GSTO2: variants seen among roughly 807,000 people sequenced by gnomAD.
GSTO2 encodes the protein glutathione S-transferase omega 2.
Under a neutral mutation model 28.4 loss-of-function variants are expected in GSTO2, and 23 were observed. The observed-to-expected ratio is 0.81, with a 90% CI of 0.58 to 1.15. GSTO2 has a LOEUF of 1.15. GSTO2 is among the 50% of genes most tolerant of loss of function. The pLI, the probability that GSTO2 is intolerant of heterozygous loss-of-function variation, is 0.00. For missense variants in GSTO2, 298 were observed against 297.8 expected, an observed-to-expected ratio of 1.00 and a Z score of 0.00; for synonymous variants, 109 against 111.0, an observed-to-expected ratio of 0.98 and a Z score of 0.11.
intron 6 of GSTO2, among the ~76,000 whole-genome samples, chr10:104,298,575 A>G (rs1331026846): frequency 1.3e-5 from 2 of 152,178 alleles, no homozygotes; most frequent in Non-Finnish European, 2.9e-5. Flanking sequence ...ACCCATTCAT[A>G]TTATCTTCAG....
intron 1 of GSTO2, among the ~76,000 whole-genome samples, chr10:104,270,115 G>A (rs375183366): frequency 1.3e-5 from 2 of 151,710 alleles, no homozygotes; most frequent in African/African-American, 2.4e-5. Flanking sequence ...CCGGGTTCAC[G>A]CCATTCTCCT....
chr10:104,298,986 A>G (rs1353440622), intron 6 of GSTO2, 142 bp from the exon 7 acceptor site: 7 of 706,158 alleles, frequency 9.9e-6, no homozygotes, highest in Non-Finnish European at 1.3e-5. Context: ...GTAAGTTATC[A>G]TTCTCACTTG....
chr10:104,277,238 T>C (rs1379481912), intron 3 of GSTO2, among the ~76,000 whole-genome samples: 1 of 152,146 alleles, frequency 6.6e-6, no homozygotes, highest in Non-Finnish European at 1.5e-5. Context: ...TCTAATGCCA[T>C]GGTTAAGTGT....
At position 104,299,383 on chromosome 10, in the gene GSTO2, T is replaced by A; in HGVS notation, c.*99T>A. On this transcript the variant is annotated 3_prime_UTR_variant, in exon 7 of 7. Coordinates refer to ENST00000338595, the MANE Select transcript of GSTO2 (RefSeq NM_183239.2). ...AACCAATCCGTCTCTCTTTCTTTTC[T>A]TTGAAGTTCCCAATAAAATGAAAAC... 7.5e-7 allele frequency: 1 copy of A among 1,333,784 alleles called. No individual in the cohort carries two copies. The highest frequency in any genetic ancestry group is 1.1e-6 in the Non-Finnish European group (1 of 949,612). 82.6% of individuals were successfully genotyped at this position (1,333,784 alleles called of 1,614,324 possible).
At chr10:104,288,972 A>G (rs1229504209) in intron 5 of GSTO2, among the ~76,000 whole-genome samples, 1 of 152,112 alleles carries the variant, frequency 6.6e-6, no homozygotes, top group East Asian at 1.9e-4. Context: ...CACTTCAGAG[A>G]CTTGATAAAT....
At chr10:104,297,463 G>A in intron 5 of GSTO2, 115 bp from the exon 6 acceptor site, 1 of 636,184 alleles carries the variant, frequency 1.6e-6, no homozygotes. Context: ...GAGGGAGAAG[G>A]AGAGAGGCCT....
Position 104,279,421 on chromosome 10 carries a change from T to C in GSTO2, c.418T>C (p.Cys140Arg). ...GGTAGCGTTGAGATGTGGGAGAGAA[T>C]GCACTAATCTGAAGGCAGCCCTGCG... ...CLVALRCGRE[C>R]TNLKAALRQE... Residue 140 changes from cysteine to arginine, a missense_variant, in exon 5 of 7, where the codon TGC (cysteine) becomes CGC (arginine). Physicochemically the swap from Cys to Arg is radical, Grantham distance 180 (BLOSUM62 -3). Coordinates refer to ENST00000338595, the MANE Select transcript of GSTO2 (RefSeq NM_183239.2). 6.2e-7 allele frequency: 1 copy of C among 1,614,098 alleles called. No homozygotes were observed. The highest frequency in any genetic ancestry group is 1.3e-5 in the African/African-American group (1 of 75,024).
At chr10:104,282,667 G>T (rs2012145545) in intron 5 of GSTO2, among the ~76,000 whole-genome samples, 2 of 152,202 alleles carry the variant, frequency 1.3e-5, no homozygotes, top group Non-Finnish European at 2.9e-5. Context: ...ACTAACGAGG[G>T]TTGGAGAGGG....
intron 5 of GSTO2, among the ~76,000 whole-genome samples, chr10:104,283,457 T>G (rs1273532372): frequency 1.3e-5 from 2 of 152,070 alleles, no homozygotes; most frequent in African/African-American, 4.8e-5. Flanking sequence ...GAGACTATGT[T>G]TCTACTAAAA....
At chr10:104,276,842 T>C (rs940002608) in intron 3 of GSTO2, among the ~76,000 whole-genome samples, 2 of 152,202 alleles carry the variant, frequency 1.3e-5, no homozygotes, top group Non-Finnish European at 2.9e-5. Context: ...TTCATGTTTT[T>C]AAACATACGT....
chr10:104,274,655 G>T, intron 1 of GSTO2, 30 bp from the exon 2 acceptor site: 1 of 568,294 alleles, frequency 1.8e-6, no homozygotes, highest in Non-Finnish European at 3.1e-6. Context: ...CTTTTCTGGT[G>T]TTATTTTGTC....
At chr10:104,286,907 G>A (rs1284933129) in intron 5 of GSTO2, among the ~76,000 whole-genome samples, 2 of 151,824 alleles carry the variant, frequency 1.3e-5, no homozygotes, top group African/African-American at 4.8e-5. Flanking sequence ...TAGAAACTAA[G>A]GAAAAAAAAT....
rs1161098197 is a variant in GSTO2, at chr10:104,278,099, T to C, written c.349T>C (p.Leu117=). 2.5e-6 allele frequency: 4 copies of C among 1,613,554 alleles called. No individual in the cohort carries two copies. The highest frequency in any genetic ancestry group is 3.4e-6 in the Non-Finnish European group (4 of 1,179,642). The change falls in exon 4 of 7, where the codon TTG becomes CTG. Residue 117 remains leucine (L), a synonymous_variant. Coordinates refer to ENST00000338595, the MANE Select transcript of GSTO2 (RefSeq NM_183239.2). ...PYERARQKML[L]ELFCKVPHLT... ...TGAACGAGCTCGCCAAAAGATGTTA[T>C]TGGAGCTATTTTGTAAGGTATATTC...
chr10:104,272,360 A>G (rs2011445007), intron 1 of GSTO2, among the ~76,000 whole-genome samples: 1 of 152,188 alleles, frequency 6.6e-6, no homozygotes, highest in Non-Finnish European at 1.5e-5. Flanking sequence ...TGGAGACCAG[A>G]TGGCCTGAAA....
intron 5 of GSTO2, among the ~76,000 whole-genome samples, chr10:104,282,553 C>CAAAAAAAAA (rs10715615): frequency 7.8e-5 from 8 of 102,838 alleles, no homozygotes; most frequent in African/African-American, 2.9e-4. Context: ...AACCCTATCT[C>CAAAAAAAAA]AAAAAAAAAA....
At chr10:104,293,105 C>T (rs545314786) in intron 5 of GSTO2, among the ~76,000 whole-genome samples, 1 of 152,260 alleles carries the variant, frequency 6.6e-6, no homozygotes, top group African/African-American at 2.4e-5. Context: ...TTCATAATGA[C>T]TATGTTGGAA....
chr10:104,292,922 G>A (rs2012846850), intron 5 of GSTO2, among the ~76,000 whole-genome samples: 1 of 152,198 alleles, frequency 6.6e-6, no homozygotes, highest in African/African-American at 2.4e-5. Flanking sequence ...GACATTGGAT[G>A]TTAAGTCTGT....
rs1364732477 is a variant in GSTO2, at chr10:104,299,148, C to T, written c.596C>T (p.Ala199Val). 2 of 1,614,070 alleles carry T rather than the reference C, an allele frequency of 1.2e-6. No individual in the cohort carries two copies. Among genetic ancestry groups the T allele is most frequent in the Admixed American group, 3.3e-5 (2 of 60,010 alleles). ...GILDCVSHTP[A>V]LRLWISAMKW... ...TGCAGCTGTGTGAGCCACACGCCAG[C>T]CCTGCGGCTCTGGATATCAGCCATG... Residue 199 changes from alanine (A) to valine (V), a missense_variant, in exon 7 of 7, where the codon GCC becomes GTC. Physicochemically the swap from Ala to Val is moderately conservative, Grantham distance 64. Coordinates refer to ENST00000338595, the MANE Select transcript of GSTO2 (RefSeq NM_183239.2).
At chr10:104,280,530 T>C (rs2135106229) in intron 5 of GSTO2, among the ~76,000 whole-genome samples, 1 of 152,276 alleles carries the variant, frequency 6.6e-6, no homozygotes, top group South Asian at 2.1e-4. Context: ...ATACAGTCTT[T>C]TAGCTGGGAT....
Sources: gnomAD v4.1 joint callset for allele counts (sites outside exome capture counted in the v4.1 genomes callset) on GRCh38, gnomAD v4.1.1 for gene constraint, MANE v1.5 for transcripts, NCBI Gene and HGNC (gene_info 2026-07-23, HGNC 2026-07-21) for gene names.